PPP1R8: variants seen among roughly 807,000 people sequenced by gnomAD.
PPP1R8 encodes protein phosphatase 1 regulatory subunit 8, also known as nuclear inhibitor of protein phosphatase 1.
PPP1R8 carries 4 observed loss-of-function variants against 31.3 expected under a neutral mutation model. That is an observed-to-expected ratio of 0.13 (90% confidence interval 0.06 to 0.29). The LOEUF (loss-of-function observed/expected upper bound fraction) is 0.29. PPP1R8 is among the 10% of genes least tolerant of loss of function. The pLI is 1.00. For missense variants in PPP1R8, 254 were observed against 440.1 expected, an observed-to-expected ratio of 0.58 and a Z score of 3.78; for synonymous variants, 170 against 169.7, an observed-to-expected ratio of 1.00 and a Z score of -0.01.
At position 27,850,497 on chromosome 1, in the gene PPP1R8, G is replaced by A; in HGVS notation, c.*51G>A. On this transcript the variant is annotated 3_prime_UTR_variant, in exon 7 of 7. Transcript: ENST00000311772. The stretch of plus-strand genomic sequence containing the variant: ...GATTGGGTGGGAATGGGGTGGAAGG[G>A]TGATGGGGAGCTAATGAACTAGGGA... 6.9e-7 allele frequency: 1 copy of A among 1,459,062 alleles called. No individual in the cohort carries two copies. The highest frequency in any genetic ancestry group is 2.3e-5 in the East Asian group (1 of 43,738). 90.4% of individuals were successfully genotyped at this position (1,459,062 alleles called of 1,614,324 possible).
intron 5 of PPP1R8, among the ~76,000 whole-genome samples, chr1:27,843,635 A>G (rs376915543): frequency 2.7e-4 from 40 of 149,292 alleles, no homozygotes; most frequent in African/African-American, 9.2e-4. Flanking sequence ...ACTCCTGCCT[A>G]GGTGACAAAA....
intron 3 of PPP1R8, 116 bp downstream of exon 3, chr1:27,838,968 C>A: frequency 9.6e-7 from 1 of 1,045,606 alleles, no homozygotes; most frequent in Non-Finnish European, 1.3e-6. Flanking sequence ...GTTTTTAAAT[C>A]CACCCTTCTC....
chr1:27,841,842 T>G (rs1328192462), intron 4 of PPP1R8, among the ~76,000 whole-genome samples: 1 of 152,230 alleles, frequency 6.6e-6, no homozygotes, highest in Non-Finnish European at 1.5e-5. Context: ...GATTTAATTT[T>G]AAGGTGCTAG....
rs763058349 is a variant in PPP1R8 at position 27,839,653 on chromosome 1, T to C, written c.271+801T>C. On this transcript the variant is annotated intron_variant, in intron 3 of 6. Coordinates refer to ENST00000311772, the MANE Select transcript of PPP1R8 (RefSeq NM_014110.5). Reference sequence around the variant, plus strand: ...GCCATGATTAGCTCCATTGATGTAATAGAGCAGCAACATAGGGCATTTTAA... The same window carrying C: ...GCCATGATTAGCTCCATTGATGTAACAGAGCAGCAACATAGGGCATTTTAA... Among the ~76,000 whole-genome samples, 34 of 152,220 alleles carry C rather than the reference T, an allele frequency of 2.2e-4. 1 individual carries two copies. The highest frequency in any genetic ancestry group is 1.2e-3 in the Admixed American group (18 of 15,284).
rs184641122 is a variant in PPP1R8 at position 27,830,912 on chromosome 1, G to A, written c.56+21G>A. The A allele has an allele frequency of 4.5e-6, 7 of 1,551,802 alleles. No homozygotes were observed. The Admixed American group carries it at 1.2e-4, about 26-fold the overall frequency. ...ACCTGGTGAGTGGCGGGGCGGCCAG[G>A]GCTAGAGTGGCCCGGCCGGAGCTAG... is the stretch of plus-strand genomic sequence containing the variant. On this transcript the variant is annotated intron_variant, in intron 1 of 6. Coordinates refer to ENST00000311772, the MANE Select transcript of PPP1R8 (RefSeq NM_014110.5).
intron 5 of PPP1R8, among the ~76,000 whole-genome samples, chr1:27,846,469 ATACAGT>A (rs1177212990): frequency 6.6e-6 from 1 of 152,260 alleles, no homozygotes; most frequent in East Asian, 1.9e-4. Flanking sequence ...TCTTGCTTAT[ATACAGT>A]TCAGGCCGTT....
chr1:27,841,288 T>C, intron 4 of PPP1R8, 54 bp downstream of exon 4: 2 of 1,578,560 alleles, frequency 1.3e-6, no homozygotes, highest in Non-Finnish European at 1.7e-6. Context: ...GTTTTTGGAG[T>C]ATACAGCTGT....
chr1:27,834,785 A>G (rs1417184487), intron 2 of PPP1R8, among the ~76,000 whole-genome samples: 1 of 152,114 alleles, frequency 6.6e-6, no homozygotes, highest in Non-Finnish European at 1.5e-5. Flanking sequence ...TGGGAGGCCG[A>G]GGCGGGCAGA....
chr1:27,844,191 T>C (rs1401022621), intron 5 of PPP1R8, among the ~76,000 whole-genome samples: 1 of 152,108 alleles, frequency 6.6e-6, no homozygotes, highest in African/African-American at 2.4e-5. Flanking sequence ...TTTGTAGAAA[T>C]GGGGTTTCAT....
intron 4 of PPP1R8, among the ~76,000 whole-genome samples, chr1:27,842,800 G>A (rs1282197706): frequency 6.6e-6 from 1 of 152,098 alleles, no homozygotes; most frequent in Non-Finnish European, 1.5e-5. Context: ...ACAATTCTTG[G>A]CGTTCCTTCC....
At chr1:27,836,217 A>T (rs2089163899) in intron 2 of PPP1R8, among the ~76,000 whole-genome samples, 1 of 152,188 alleles carries the variant, frequency 6.6e-6, no homozygotes, top group South Asian at 2.1e-4. Context: ...AACACAACAT[A>T]CCCAAATGAG....
rs1026644984 is a variant in PPP1R8, at chr1:27,831,058, C to G, written c.56+167C>G. 5 of 1,388,962 alleles carry G rather than the reference C, an allele frequency of 3.6e-6. No individual in the cohort carries two copies. The African/African-American group carries it at 4.5e-5, about 12-fold the overall frequency. The allele number at this position is 1,388,962 out of a possible 1,614,324, so 86.0% of individuals were successfully genotyped here. A position where few individuals can be genotyped will look rare whatever the true frequency, so the allele number is the denominator to read the frequency against. On this transcript the variant is annotated intron_variant, in intron 1 of 6. Transcript: ENST00000311772. ...CGGGCCGGGCGACGTGTTGAAGAAC[C>G]GAGAGCCTGGAGCCCAGGCCCAGGA... is the stretch of plus-strand genomic sequence containing the variant.
rs377734912 is a variant in PPP1R8, at chr1:27,839,956, A to C, written c.272-1058A>C. ...TGCGCTATGGTCTCAGCTGCTTGGG[A>C]GGCTTAAGTGGGAGGATCGTTTGAG... On this transcript the variant is annotated intron_variant, in intron 3 of 6. Coordinates refer to ENST00000311772, the MANE Select transcript of PPP1R8 (RefSeq NM_014110.5). Among the ~76,000 whole-genome samples the C allele has an allele frequency of 2.6e-5, 4 of 152,060 alleles. No individual in the cohort carries two copies. The South Asian group carries it at 8.3e-4, about 32-fold the overall frequency.
intron 6 of PPP1R8, among the ~76,000 whole-genome samples, chr1:27,847,729 C>CA (rs1169901788): frequency 1.8e-4 from 26 of 147,300 alleles, no homozygotes; most frequent in East Asian, 6.0e-4. Context: ...GACTCCATCT[C>CA]AAAAAAAAAA....
chr1:27,832,966 A>G, intron 2 of PPP1R8, 150 bp downstream of exon 2: 1 of 656,780 alleles, frequency 1.5e-6, no homozygotes, highest in South Asian at 2.2e-5. Flanking sequence ...GCACATGGTG[A>G]CATCACACAT....
chr1:27,847,504 C>G (rs2089296835), intron 6 of PPP1R8, among the ~76,000 whole-genome samples: 1 of 140,124 alleles, frequency 7.1e-6, no homozygotes, highest in Admixed American at 7.2e-5. Context: ...AAGACTCTGT[C>G]TCAAAAAAAA....
At chr1:27,832,874 C>T in intron 2 of PPP1R8, 58 bp downstream of exon 2, 1 of 1,403,318 alleles carries the variant, frequency 7.1e-7, no homozygotes, top group South Asian at 1.2e-5. Context: ...TTGCCAGTGA[C>T]TCACTTTTCC....
In PPP1R8 at chr1:27,834,672, C is replaced by T. The variant is rs148189036; in HGVS notation, c.117+1856C>T. ...TGGACAGAAGCAGCACATTGTTCAA[C>T]ATCTAACACATTTCCTTGGTTCTAA... On this transcript the variant is annotated intron_variant, in intron 2 of 6. Coordinates refer to ENST00000311772, the MANE Select transcript of PPP1R8 (RefSeq NM_014110.5). The T allele has an allele frequency of 4.9e-4, 193 of 397,862 alleles. 2 individuals are homozygous for T. Among genetic ancestry groups the T allele is most frequent in the African/African-American group, 3.7e-3 (180 of 48,292 alleles). The allele number at this position is 397,862 out of a possible 1,614,324, so 24.6% of individuals were successfully genotyped here.
At chr1:27,848,248 A>G (rs1205884920) in intron 6 of PPP1R8, among the ~76,000 whole-genome samples, 1 of 151,956 alleles carries the variant, frequency 6.6e-6, no homozygotes, top group Non-Finnish European at 1.5e-5. Flanking sequence ...TGAAAATACA[A>G]AAAAAAATTA....
Sources: allele counts gnomAD v4.1 joint callset (sites outside exome capture counted in the v4.1 genomes callset), GRCh38; gene constraint gnomAD v4.1.1; transcripts MANE v1.5; gene names NCBI Gene and HGNC (gene_info 2026-07-23, HGNC 2026-07-21).